Variants in CFAP97D1 observed in about 807,000 individuals in gnomAD.
The protein encoded by CFAP97D1 is CFAP97 domain containing 1.
CFAP97D1 carries 15 observed loss-of-function variants against 20.5 expected under a neutral mutation model. That is an observed-to-expected ratio of 0.73 (90% confidence interval 0.49 to 1.13). The LOEUF is 1.13. Ranked by LOEUF, CFAP97D1 falls within the 50% of genes most tolerant of loss-of-function variation. The pLI is 0.00. For synonymous variants in CFAP97D1, 58 were observed against 71.2 expected, an observed-to-expected ratio of 0.82 and a Z score of 0.93; for missense variants, 168 against 202.9, an observed-to-expected ratio of 0.83 and a Z score of 1.04.
chr17:43,781,701 G>A (rs1366820527), intron 2 of CFAP97D1, 73 bp from the exon 3 acceptor site: 1 of 963,450 alleles, frequency 1.0e-6, no homozygotes, highest in East Asian at 2.6e-5. Context: ...TCAGAGGAGG[G>A]GAACACTAAG....
chr17:43,784,326 A>C (rs1427954410), intron 5 of CFAP97D1, 57 bp from the exon 6 acceptor site: 1 of 160,404 alleles, frequency 6.2e-6, no homozygotes, highest in Non-Finnish European at 1.4e-5. Flanking sequence ...TAGGCGTTCC[A>C]AAGAATAGTT....
intron 4 of CFAP97D1, 97 bp from the exon 5 acceptor site, chr17:43,783,740 G>C (rs981055245): frequency 1.1e-6 from 1 of 922,124 alleles, no homozygotes; most frequent in African/African-American, 1.7e-5. Context: ...TACCGACTTT[G>C]GTCTTTAAAT....
rs1598304023 is a variant in CFAP97D1 at position 43,780,493 on chromosome 17, C to G, written c.31C>G (p.Pro11Ala). 3 of 1,551,692 alleles carry G rather than the reference C, an allele frequency of 1.9e-6. No homozygotes were observed. In the African/African-American group the frequency reaches 4.1e-5, roughly 21 times the overall value. Reference protein sequence around the residue: MNNSLDYLAYPVIVSNHRQST... With the variant: MNNSLDYLAYAVIVSNHRQST... ...CAATTCCCTGGATTATCTGGCCTACCCTGTTATCGTCTCTAATCACAGGCA... is the reference window on the plus strand; with the variant it reads ...CAATTCCCTGGATTATCTGGCCTACGCTGTTATCGTCTCTAATCACAGGCA... The change falls in exon 1 of 6, where the codon CCT (proline) becomes GCT (alanine). Residue 11 changes from proline to alanine, a missense_variant. Physicochemically the swap from Pro to Ala is conservative, Grantham distance 27. Transcript: ENST00000449302.
chr17:43,784,204 G>A (rs536259146), intron 5 of CFAP97D1, among the ~76,000 whole-genome samples, 179 bp from the exon 6 acceptor site: 1 of 152,292 alleles, frequency 6.6e-6, no homozygotes, highest in South Asian at 2.1e-4. Context: ...TTACATTCCA[G>A]GTCTCTGTCA....
rs748081458 is a variant in CFAP97D1 at position 43,784,658 on chromosome 17, T to A, written c.*276T>A. On this transcript the variant is annotated 3_prime_UTR_variant, in exon 6 of 6. Coordinates refer to ENST00000449302, the MANE Select transcript of CFAP97D1 (RefSeq NM_001136483.3). Reference sequence around the variant, plus strand: ...GAGAGAGAAATCTGAGAGAACTCTTTAAAACATACACCATCATCACCATCC... The same window carrying A: ...GAGAGAGAAATCTGAGAGAACTCTTAAAAACATACACCATCATCACCATCC... 6.6e-6 allele frequency: 1 copy of A among 151,506 alleles called. No individual in the cohort carries two copies. The highest frequency in any genetic ancestry group is 2.4e-5 in the African/African-American group (1 of 41,198). The allele number at this position is 151,506 out of a possible 1,614,324, so 9.4% of individuals were successfully genotyped here. A position where few individuals can be genotyped will look rare whatever the true frequency, so the allele number is the denominator to read the frequency against.
At chr17:43,780,818 G>A (rs1009588414) in intron 1 of CFAP97D1, among the ~76,000 whole-genome samples, 1 of 152,176 alleles carries the variant, frequency 6.6e-6, no homozygotes, top group Non-Finnish European at 1.5e-5. Flanking sequence ...TTAGAAAGGG[G>A]ATAAGACTTC....
In CFAP97D1 at chr17:43,783,275, A is replaced by C. The variant is rs1310191736; in HGVS notation, c.410A>C (p.Asp137Ala). Residue 137 changes from aspartate (D) to alanine (A), a missense_variant, in exon 4 of 6, where the codon GAC becomes GCC. Transcript: ENST00000449302. The part of the protein sequence containing the change: ...KRLVDRKPHY[D>A]RRASEIDWQN... ...CTTGTTGATCGCAAACCCCACTATG[A>C]CCGCAGGGCATCTGAGATAGACTGG... 3 of 1,551,214 alleles carry C rather than the reference A, an allele frequency of 1.9e-6. No homozygotes were observed. The highest frequency in any genetic ancestry group is 2.6e-6 in the Non-Finnish European group (3 of 1,146,816).
rs2044297438 is a variant in CFAP97D1, at chr17:43,787,049, C to A, written c.*2667C>A. The stretch of plus-strand genomic sequence containing the variant: ...TGGCACGATCTTGGCTCACTGCAAC[C>A]TCCACCTCTGGGGTTCAAGCGATTC... On this transcript the variant is annotated 3_prime_UTR_variant, in exon 6 of 6. Transcript: ENST00000449302. 6.6e-6 allele frequency: 1 copy of A among 152,112 alleles called. No homozygotes were observed. Among genetic ancestry groups the A allele is most frequent in the Non-Finnish European group, 1.5e-5 (1 of 68,026 alleles). 9.4% of individuals were successfully genotyped at this position (152,112 alleles called of 1,614,324 possible).
At chr17:43,782,721 G>A (rs41493644) in intron 3 of CFAP97D1, 6,437 of 157,414 alleles carry the variant, frequency 0.041, 441 homozygotes, top group African/African-American at 0.15. Context: ...TGCTGGGGGC[G>A]AGGAGATGGT....
chr17:43,780,666 A>C, intron 1 of CFAP97D1, 80 bp downstream of exon 1: 1 of 1,477,934 alleles, frequency 6.8e-7, no homozygotes, highest in Non-Finnish European at 9.2e-7. Flanking sequence ...AGGAAACCAG[A>C]CCAGGTCACA....
At chr17:43,781,417 G>A (rs1232112674) in intron 2 of CFAP97D1, among the ~76,000 whole-genome samples, 3 of 147,536 alleles carry the variant, frequency 2.0e-5, no homozygotes, top group South Asian at 2.4e-4. Flanking sequence ...TGCAACCTCC[G>A]CCTCCCAGAT....
chr17:43,781,262 A>C (rs1461872058), intron 2 of CFAP97D1, 73 bp downstream of exon 2: 2 of 1,241,530 alleles, frequency 1.6e-6, no homozygotes, highest in Non-Finnish European at 2.3e-6. Context: ...AAAGAGGTTC[A>C]ATTTCCCAGA....
Position 43,781,756 on chromosome 17 carries a change from G to A in CFAP97D1, c.196-18G>A. On this transcript the variant is annotated intron_variant, in intron 2 of 5. Transcript: ENST00000449302. Reference sequence around the variant, plus strand: ...TGCACTGATGGTGTCACCATGGTGAGGTGTGGTTTCTTACCAGGGTGAACA... The same window carrying A: ...TGCACTGATGGTGTCACCATGGTGAAGTGTGGTTTCTTACCAGGGTGAACA... 1 of 1,452,572 alleles carries A rather than the reference G, an allele frequency of 6.9e-7. No homozygotes were observed. The highest frequency in any genetic ancestry group is 9.5e-7 in the Non-Finnish European group (1 of 1,056,578). 90.0% of individuals were successfully genotyped at this position (1,452,572 alleles called of 1,614,324 possible). A position where few individuals can be genotyped will look rare whatever the true frequency, so the allele number is the denominator to read the frequency against.
chr17:43,783,125 C>T, intron 3 of CFAP97D1, 55 bp from the exon 4 acceptor site: 1 of 1,548,570 alleles, frequency 6.5e-7, no homozygotes, highest in South Asian at 1.2e-5. Context: ...ATCTCCCCCA[C>T]TCGTCAAGAT....
chr17:43,787,303 A>AT lies in CFAP97D1; in HGVS notation c.*2922dup, dbSNP rs2044299027. 6.6e-6 allele frequency: 1 copy of AT among 152,206 alleles called. No individual in the cohort carries two copies. Among genetic ancestry groups the AT allele is most frequent in the Non-Finnish European group, 1.5e-5 (1 of 68,046 alleles). The allele number at this position is 152,206 out of a possible 1,614,324, so 9.4% of individuals were successfully genotyped here. On this transcript the variant is annotated 3_prime_UTR_variant, in exon 6 of 6. Transcript: ENST00000449302. ...ATAGCAAATTTTGAAAGTTATTTACATATTATAGGAATAAGTCCTTTGCCT... is the reference window on the plus strand; with the variant it reads ...ATAGCAAATTTTGAAAGTTATTTACATTATTATAGGAATAAGTCCTTTGCCT...
chr17:43,782,239 G>C (rs560033897), intron 3 of CFAP97D1, among the ~76,000 whole-genome samples: 1 of 152,294 alleles, frequency 6.6e-6, no homozygotes, highest in South Asian at 2.1e-4. Context: ...ATTTCTCATA[G>C]TTCTAGAGGC....
chr17:43,783,942 C>G (rs1005180822), intron 5 of CFAP97D1, 49 bp downstream of exon 5: 2 of 1,422,364 alleles, frequency 1.4e-6, no homozygotes, highest in Admixed American at 2.1e-5. Context: ...GATACCAAAG[C>G]CCTGAGAACC....
At chr17:43,783,932 G>C in intron 5 of CFAP97D1, 39 bp downstream of exon 5, 1 of 1,489,232 alleles carries the variant, frequency 6.7e-7, no homozygotes, top group Non-Finnish European at 9.2e-7. Context: ...GACCACAGCT[G>C]ATACCAAAGC....
chr17:43,782,185 G>A lies in CFAP97D1; in HGVS notation c.314+293G>A, dbSNP rs9910585. The stretch of plus-strand genomic sequence containing the variant: ...CATGTGTCTTAGTCCATTATAGGGC[G>A]CTATAGCAAATTGCTATAAACTGGT... On this transcript the variant is annotated intron_variant, in intron 3 of 5. Transcript: ENST00000449302. Among the ~76,000 whole-genome samples the A allele has an allele frequency of 9.7e-3, 1,477 of 152,290 alleles. 22 individuals carry two copies. The highest frequency in any genetic ancestry group is 0.032 in the African/African-American group (1,336 of 41,548).
Sources: allele counts gnomAD v4.1 joint callset (sites outside exome capture counted in the v4.1 genomes callset), GRCh38; gene constraint gnomAD v4.1.1; transcripts MANE v1.5; gene names NCBI Gene and HGNC (gene_info 2026-07-23, HGNC 2026-07-21).